Variants in TMEM184C observed in about 807,000 individuals in gnomAD.
The protein encoded by TMEM184C is transmembrane protein 184C.
Under a neutral mutation model 54.5 loss-of-function variants are expected in TMEM184C, and 25 were observed. The ratio of observed to expected loss-of-function variants is 0.46; its 90% CI spans 0.33 to 0.64. The LOEUF (loss-of-function observed/expected upper bound fraction) is 0.64. TMEM184C is among the 30% of genes least tolerant of loss of function. The pLI is 0.02. For synonymous variants in TMEM184C, 148 were observed against 181.5 expected (o/e 0.82, Z 1.49); for missense variants, 335 against 520.3 (o/e 0.64, Z 3.46).
Position 147,633,896 on chromosome 4 carries a change from A to C in TMEM184C, c.1011A>C (p.Ser337=). The stretch of plus-strand genomic sequence containing the variant: ...CCTTTCTTGCCATGTGGGATGTCTC[A>C]GATATTAGAGATGATATTTCTGAAC... ...FDSFLAMWDV[S]DIRDDISEQV... The change falls in exon 9 of 10, where the codon TCA becomes TCC. Residue 337 remains serine (S), a synonymous_variant. Coordinates refer to ENST00000296582, the MANE Select transcript of TMEM184C (RefSeq NM_018241.3). 6.2e-7 allele frequency: 1 copy of C among 1,613,728 alleles called. No homozygotes were observed. The highest frequency in any genetic ancestry group is 8.5e-7 in the Non-Finnish European group (1 of 1,179,952).
At chr4:147,622,728 G>A (rs1020427553) in intron 1 of TMEM184C, among the ~76,000 whole-genome samples, 13 of 151,944 alleles carry the variant, frequency 8.6e-5, no homozygotes, top group African/African-American at 2.9e-4. Context: ...TTTGATTAAC[G>A]CCCCCACAAT....
chr4:147,620,956 G>A (rs1473328729), intron 1 of TMEM184C, among the ~76,000 whole-genome samples: 1 of 152,290 alleles, frequency 6.6e-6, no homozygotes, highest in East Asian at 1.9e-4. Context: ...AGGCTGCCGT[G>A]AGAAAATACC....
chr4:147,621,454 A>G (rs146608201), intron 1 of TMEM184C, among the ~76,000 whole-genome samples: 313 of 152,348 alleles, frequency 2.1e-3, no homozygotes, highest in African/African-American at 7.2e-3. Flanking sequence ...GATTAAGAAT[A>G]ATATTACTGG....
intron 2 of TMEM184C, 34 bp downstream of exon 2, chr4:147,623,998 G>A: frequency 6.2e-7 from 1 of 1,612,618 alleles, no homozygotes; most frequent in Non-Finnish European, 8.5e-7. Flanking sequence ...CACTACTGTT[G>A]TGTTGGCTTA....
chr4:147,622,606 A>G (rs1349126076), intron 1 of TMEM184C, among the ~76,000 whole-genome samples: 3 of 152,174 alleles, frequency 2.0e-5, no homozygotes, highest in Non-Finnish European at 4.4e-5. Context: ...ATAAGTGGGG[A>G]CTACTGTACT....
Position 147,635,325 on chromosome 4 carries a change from A to C in TMEM184C, c.*891A>C, listed in dbSNP as rs918620866. 16 of 152,230 alleles carry C rather than the reference A, an allele frequency of 1.1e-4. No individual in the cohort carries two copies. Among genetic ancestry groups the C allele is most frequent in the Non-Finnish European group, 1.9e-4 (13 of 68,030 alleles). 9.4% of individuals were successfully genotyped at this position (152,230 alleles called of 1,614,324 possible). A position where few individuals can be genotyped will look rare whatever the true frequency, so the allele number is the denominator to read the frequency against. ...GCACAGTGAAAAAGAAGTCAAAAAA[A>C]AAAGTTCTACTTTTCATCAGTGCTA... On this transcript the variant is annotated 3_prime_UTR_variant, in exon 10 of 10. Coordinates refer to ENST00000296582, the MANE Select transcript of TMEM184C (RefSeq NM_018241.3).
At chr4:147,625,093 C>A in intron 4 of TMEM184C, 84 bp downstream of exon 4, 1 of 1,306,040 alleles carries the variant, frequency 7.7e-7, no homozygotes, top group Non-Finnish European at 1.1e-6. Context: ...CTTTACAAGG[C>A]AGTGCATTAA....
chr4:147,625,007 A>G lies in TMEM184C; in HGVS notation c.495A>G (p.Gly165=). 1 of 1,613,246 alleles carries G rather than the reference A, an allele frequency of 6.2e-7. No individual in the cohort carries two copies. The highest frequency in any genetic ancestry group is 8.5e-7 in the Non-Finnish European group (1 of 1,179,588). ...PLCCCPPWAM[G]EVLLFRCKLG... ...GTTGCTGTCCACCATGGGCTATGGG[A>G]GAGTAAGTATGTTTGGTTTAATTCT... Residue 165 remains glycine (G), a splice_region_variant and synonymous_variant, in exon 4 of 10, where the codon GGA becomes GGG. Transcript: ENST00000296582.
chr4:147,634,529 A>G lies in TMEM184C; in HGVS notation c.*95A>G, dbSNP rs1298528531. 1 of 1,404,540 alleles carries G rather than the reference A, an allele frequency of 7.1e-7. No homozygotes were observed. The highest frequency in any genetic ancestry group is 9.6e-7 in the Non-Finnish European group (1 of 1,042,232). The allele number at this position is 1,404,540 out of a possible 1,614,324, so 87.0% of individuals were successfully genotyped here. ...TTGGGACAGACCATAAATGATGGAA[A>G]ATGTCAACACAAAAATAGCTGAAAG... On this transcript the variant is annotated 3_prime_UTR_variant, in exon 10 of 10. Transcript: ENST00000296582.
rs551375139 is a variant in TMEM184C, at chr4:147,617,909, T to G, written c.-48T>G. ...GAGAACAGGGCTCCCCATTACAATCTTTTCGAGATCTTTTCCCTTGCTAAC... is the reference window on the plus strand; with the variant it reads ...GAGAACAGGGCTCCCCATTACAATCGTTTCGAGATCTTTTCCCTTGCTAAC... On this transcript the variant is annotated 5_prime_UTR_variant, in exon 1 of 10. Transcript: ENST00000296582. 1.2e-4 allele frequency: 187 copies of G among 1,611,082 alleles called. No homozygotes were observed. The highest frequency in any genetic ancestry group is 1.4e-4 in the Non-Finnish European group (170 of 1,178,352).
intron 1 of TMEM184C, among the ~76,000 whole-genome samples, chr4:147,618,556 TTATA>T (rs1185325969): frequency 1.3e-5 from 2 of 152,212 alleles, no homozygotes; most frequent in Non-Finnish European, 2.9e-5. Flanking sequence ...AAAAAGTCCC[TTATA>T]TATATTTTTT....
intron 4 of TMEM184C, among the ~76,000 whole-genome samples, chr4:147,626,613 C>A (rs1732819855): frequency 3.3e-5 from 5 of 152,150 alleles, no homozygotes; most frequent in Admixed American, 3.3e-4. Flanking sequence ...CAGGGAGCTA[C>A]CTGGCTTTTT....
chr4:147,634,472 T>C lies in TMEM184C; in HGVS notation c.*38T>C. The C allele has an allele frequency of 6.3e-7, 1 of 1,591,542 alleles. No individual in the cohort carries two copies. The highest frequency in any genetic ancestry group is 8.6e-7 in the Non-Finnish European group (1 of 1,167,732). ...AGCAAACTGTGCAACTACTACATTATATCATTACCTGGTATCCCATGGATT... is the reference window on the plus strand; with the variant it reads ...AGCAAACTGTGCAACTACTACATTACATCATTACCTGGTATCCCATGGATT... On this transcript the variant is annotated 3_prime_UTR_variant, in exon 10 of 10. Transcript: ENST00000296582.
At chr4:147,623,440 A>G (rs1340420162) in intron 1 of TMEM184C, among the ~76,000 whole-genome samples, 1 of 151,832 alleles carries the variant, frequency 6.6e-6, no homozygotes, top group Non-Finnish European at 1.5e-5. Flanking sequence ...CTCAAAAAAA[A>G]AAAAAGAAAA....
chr4:147,628,671 C>T (rs145811092), intron 5 of TMEM184C, among the ~76,000 whole-genome samples: 10 of 152,060 alleles, frequency 6.6e-5, no homozygotes, highest in South Asian at 2.1e-4. Flanking sequence ...GCTAGCTGGC[C>T]GTAAAGCACT....
chr4:147,619,596 G>C (rs1419740422), intron 1 of TMEM184C, among the ~76,000 whole-genome samples: 1 of 152,108 alleles, frequency 6.6e-6, no homozygotes, highest in Non-Finnish European at 1.5e-5. Context: ...CAAAAACTTA[G>C]GTATAAGCAT....
intron 1 of TMEM184C, among the ~76,000 whole-genome samples, chr4:147,622,012 T>C (rs1732719532): frequency 7.0e-6 from 1 of 143,266 alleles, no homozygotes; most frequent in South Asian, 2.2e-4. Context: ...TGAGCCAGGG[T>C]CTCGCTCTGT....
At chr4:147,631,778 T>C (rs978685331) in intron 7 of TMEM184C, among the ~76,000 whole-genome samples, 1 of 152,234 alleles carries the variant, frequency 6.6e-6, no homozygotes, top group Non-Finnish European at 1.5e-5. Context: ...TGTCATATAA[T>C]AGAATACTAT....
intron 5 of TMEM184C, among the ~76,000 whole-genome samples, chr4:147,629,143 T>C (rs1403679759): frequency 1.3e-5 from 2 of 152,148 alleles, no homozygotes; most frequent in East Asian, 1.9e-4. Context: ...CTGATGGTCA[T>C]ACTTACTTGA....
Sources: gnomAD v4.1 joint callset for allele counts (sites outside exome capture counted in the v4.1 genomes callset) on GRCh38, gnomAD v4.1.1 for gene constraint, MANE v1.5 for transcripts, NCBI Gene and HGNC (gene_info 2026-07-23, HGNC 2026-07-21) for gene names.